AQP7: variants seen among roughly 807,000 people sequenced by gnomAD.
AQP7 encodes aquaporin-7.
AQP7 carries 22 observed loss-of-function variants against 26.1 expected under a neutral mutation model. That is an observed-to-expected ratio of 0.84 (90% CI 0.60 to 1.20). The LOEUF is 1.20. Ranked by LOEUF, AQP7 falls within the 50% of genes most tolerant of loss-of-function variation. AQP7 has a pLI of 0.00. For missense variants in AQP7, 412 were observed against 457.5 expected (o/e 0.90, Z 0.91); for synonymous variants, 167 against 181.7 (o/e 0.92, Z 0.65).
At position 33,384,811 on chromosome 9, in the gene AQP7, G is replaced by A. The variant is rs1299551434; in HGVS notation, c.*194C>T. On this transcript the variant is annotated 3_prime_UTR_variant, in exon 8 of 8. Transcript: ENST00000297988. ...CATCTCTTCCCCATTCTCCCCCTGG[G>A]GCACCCCAGTTCCCAGGGCATGAAA... is the stretch of plus-strand genomic sequence containing the variant. The A allele has an allele frequency of 2.5e-5, 16 of 630,552 alleles. No individual in the cohort carries two copies. The allele number at this position is 630,552 out of a possible 1,614,324, so 39.1% of individuals were successfully genotyped here.
chr9:33,389,093 T>C (rs527622413), intron 3 of AQP7, among the ~76,000 whole-genome samples: 1 of 150,508 alleles, frequency 6.6e-6, no homozygotes, highest in African/African-American at 2.4e-5. Context: ...AATGGCACGA[T>C]CTCTACTCAC....
chr9:33,396,235 C>T (rs970114446), intron 2 of AQP7, among the ~76,000 whole-genome samples: 5 of 151,984 alleles, frequency 3.3e-5, no homozygotes, highest in East Asian at 1.9e-4. Context: ...GTCGGGAGTT[C>T]GAGACCAGCC....
rs1587168715 is a variant in AQP7, at chr9:33,402,525, C to G, written c.-178G>C. ...TGTGTCCCCAGTCCAGAGCCTGCCT[C>G]TCAGCTCTCCCAGGGCGGCCTCGAG... On this transcript the variant is annotated 5_prime_UTR_variant, in exon 1 of 8. Transcript: ENST00000297988. The G allele has an allele frequency of 6.5e-6, 1 of 152,830 alleles. No homozygotes were observed. The highest frequency in any genetic ancestry group is 2.4e-5 in the African/African-American group (1 of 41,472). 9.5% of individuals were successfully genotyped at this position (152,830 alleles called of 1,614,324 possible).
chr9:33,394,489 T>C (rs1410349932), intron 3 of AQP7, among the ~76,000 whole-genome samples: 5 of 147,730 alleles, frequency 3.4e-5, no homozygotes, highest in African/African-American at 2.5e-5. Flanking sequence ...TCTCTCTCTT[T>C]TTTTTTTTTT....
chr9:33,400,343 C>T (rs1345245421), intron 2 of AQP7, among the ~76,000 whole-genome samples: 1 of 151,968 alleles, frequency 6.6e-6, no homozygotes, highest in Non-Finnish European at 1.5e-5. Context: ...AATAGGGCAG[C>T]CAGAGTAATC....
At chr9:33,393,268 G>C (rs1425630151) in intron 3 of AQP7, among the ~76,000 whole-genome samples, 1 of 152,180 alleles carries the variant, frequency 6.6e-6, no homozygotes, top group East Asian at 1.9e-4. Flanking sequence ...TAAGATACTT[G>C]TGGATAGTCG....
Position 33,384,660 on chromosome 9 carries a change from C to T in AQP7, c.*345G>A, listed in dbSNP as rs1824574600. ...ATCTCAGGATCCCCTCAAAGTATTT[C>T]CAAAGCCGGCCCCCAACCAGTCAGC... On this transcript the variant is annotated 3_prime_UTR_variant, in exon 8 of 8. Transcript: ENST00000297988. The T allele has an allele frequency of 4.8e-6, 1 of 207,700 alleles. No homozygotes were observed. 12.9% of individuals were successfully genotyped at this position (207,700 alleles called of 1,614,324 possible).
intron 3 of AQP7, among the ~76,000 whole-genome samples, chr9:33,387,985 C>A (rs1281975553): frequency 2.0e-5 from 3 of 152,146 alleles, no homozygotes; most frequent in Non-Finnish European, 4.4e-5. Context: ...CCCTCGCACC[C>A]CCTCCTCAAT....
In AQP7 at chr9:33,385,671, C is replaced by A; in HGVS notation, c.721G>T (p.Gly241Cys). The change falls in exon 7 of 8, where the codon GGT (glycine) becomes TGT (cysteine). Residue 241 changes from glycine to cysteine, a missense_variant. Physicochemically the swap from Gly to Cys is radical, Grantham distance 159 (BLOSUM62 -3). Coordinates refer to ENST00000297988, the MANE Select transcript of AQP7 (RefSeq NM_001170.3). ...TACCTGAAGACCTGTTTGCCCCAAC[C>A]AGCAATGAAGGTGAAGATGCGGGGG... ...LPPRIFTFIA[G>C]WGKQVFSNGE... 6.2e-7 allele frequency: 1 copy of A among 1,613,796 alleles called. No individual in the cohort carries two copies. Among genetic ancestry groups the A allele is most frequent in the Non-Finnish European group, 8.5e-7 (1 of 1,180,024 alleles).
At chr9:33,396,840 G>A (rs3931568) in intron 2 of AQP7, among the ~76,000 whole-genome samples, 2 of 151,364 alleles carry the variant, frequency 1.3e-5, no homozygotes, top group African/African-American at 4.9e-5. Context: ...AGTGTCTCAC[G>A]CCTGTAATCC....
At chr9:33,394,270 C>A (rs1825661135) in intron 3 of AQP7, 1 of 152,348 alleles carries the variant, frequency 6.6e-6, no homozygotes, top group African/African-American at 2.4e-5. Context: ...CCAGTCATCA[C>A]CTTCTCTCTG....
intron 7 of AQP7, 77 bp downstream of exon 7, chr9:33,385,572 C>T (rs751332703): frequency 5.2e-6 from 8 of 1,548,774 alleles, no homozygotes; most frequent in African/African-American, 2.7e-5. Flanking sequence ...TGCTGCCCCT[C>T]ACATCACCCC....
intron 2 of AQP7, 106 bp from the exon 3 acceptor site, chr9:33,395,301 G>A (rs570276446): frequency 2.1e-5 from 18 of 866,532 alleles, no homozygotes; most frequent in Middle Eastern, 2.8e-4. Flanking sequence ...CAGCAGCCTC[G>A]CCCACACACG....
chr9:33,395,486 A>C (rs1825783146), intron 2 of AQP7: 1 of 406,092 alleles, frequency 2.5e-6, no homozygotes, highest in Admixed American at 3.8e-5. Context: ...GGGGAGCTGA[A>C]AGTGCAATCC....
In AQP7 at chr9:33,384,840, T is replaced by C. The variant is rs1824586119; in HGVS notation, c.*165A>G. 1.3e-6 allele frequency: 1 copy of C among 790,226 alleles called. No homozygotes were observed. Among genetic ancestry groups the C allele is most frequent in the African/African-American group, 1.7e-5 (1 of 57,804 alleles). The allele number at this position is 790,226 out of a possible 1,614,324, so 49.0% of individuals were successfully genotyped here. A position where few individuals can be genotyped will look rare whatever the true frequency, so the allele number is the denominator to read the frequency against. Reference sequence around the variant, plus strand: ...CCCCAGTTCCCAGGGCATGAAAGACTTGAGGTGCCTCACCTCTACACCTTG... The same window carrying C: ...CCCCAGTTCCCAGGGCATGAAAGACCTGAGGTGCCTCACCTCTACACCTTG... On this transcript the variant is annotated 3_prime_UTR_variant, in exon 8 of 8. Coordinates refer to ENST00000297988, the MANE Select transcript of AQP7 (RefSeq NM_001170.3).
intron 3 of AQP7, among the ~76,000 whole-genome samples, chr9:33,389,961 G>A (rs186218414): frequency 7.1e-4 from 107 of 150,612 alleles, no homozygotes; most frequent in Non-Finnish European, 1.2e-3. Flanking sequence ...CCAAGACGCG[G>A]AGCTTGCAGT....
intron 2 of AQP7, chr9:33,395,537 G>C (rs7036315): frequency 0.024 from 6,878 of 292,420 alleles, 476 homozygotes; most frequent in African/African-American, 0.14. Flanking sequence ...GGGTGGGAGA[G>C]AGCAGGCTGG....
chr9:33,397,383 G>A (rs1825932202), intron 2 of AQP7, among the ~76,000 whole-genome samples: 1 of 152,044 alleles, frequency 6.6e-6, no homozygotes, highest in African/African-American at 2.4e-5. Flanking sequence ...GCTTGCATTG[G>A]TAGGGTCTCT....
chr9:33,396,303 T>A lies in AQP7; in HGVS notation c.27-1108A>T, dbSNP rs1228996936. On this transcript the variant is annotated intron_variant, in intron 2 of 7. Coordinates refer to ENST00000297988, the MANE Select transcript of AQP7 (RefSeq NM_001170.3). ...AAAATACAAAATTAGCCAGGCATGATGGCGCATGCCTGTAATCCCAGCTAC... is the reference window on the plus strand; with the variant it reads ...AAAATACAAAATTAGCCAGGCATGAAGGCGCATGCCTGTAATCCCAGCTAC... Among the ~76,000 whole-genome samples, 8 of 152,200 alleles carry A rather than the reference T, an allele frequency of 5.3e-5. No individual in the cohort carries two copies. In the East Asian group the frequency reaches 1.5e-3, roughly 29 times the overall value.
Sources: allele counts gnomAD v4.1 joint callset (sites outside exome capture counted in the v4.1 genomes callset), GRCh38; gene constraint gnomAD v4.1.1; transcripts MANE v1.5; gene names NCBI Gene and HGNC (gene_info 2026-07-23, HGNC 2026-07-21).